THRAP3: variants seen among roughly 807,000 people sequenced by gnomAD.
THRAP3 encodes thyroid hormone receptor-associated protein 3.
Under a neutral mutation model 101.0 loss-of-function variants are expected in THRAP3, and 16 were observed. The ratio of observed to expected loss-of-function variants is 0.16; its 90% confidence interval spans 0.11 to 0.24. The LOEUF (loss-of-function observed/expected upper bound fraction) is 0.24, where lower values mean the gene tolerates loss of function less well. Among genes scored for constraint, THRAP3 ranks in the 10% least tolerant of loss-of-function variants. The pLI is 1.00. For synonymous variants in THRAP3, 407 were observed against 422.6 expected, an observed-to-expected ratio of 0.96 and a Z score of 0.45; for missense variants, 989 against 1,202.7, an observed-to-expected ratio of 0.82 and a Z score of 2.63.
At chr1:36,260,962 G>A (rs1410760782) in intron 2 of THRAP3, among the ~76,000 whole-genome samples, 1 of 151,266 alleles carries the variant, frequency 6.6e-6, no homozygotes, top group Non-Finnish European at 1.5e-5. Context: ...TTCCTTTTTT[G>A]TACAACTATT....
chr1:36,301,796 G>C (rs956951627), intron 11 of THRAP3, 100 bp downstream of exon 11: 1 of 1,453,634 alleles, frequency 6.9e-7, no homozygotes, highest in Non-Finnish European at 9.3e-7. Context: ...GCGATTAAAT[G>C]TACGTGCAGG....
rs970398332 is a variant in THRAP3 at position 36,236,254 on chromosome 1, TG to T, written c.-135+11752del. On this transcript the variant is annotated intron_variant, in intron 1 of 11. Transcript: ENST00000354618. ...AAAAAAAAAAACCTTCATGACAGAC[TG>T]GGCGCAAAAACCAAACCTTTATGTC... 1.7e-3 allele frequency among the ~76,000 whole-genome samples: 16 copies of T among 9,388 alleles called. No homozygotes were observed. The South Asian group carries it at 0.078, about 46-fold the overall frequency. 6.2% of individuals were successfully genotyped at this position (9,388 alleles called of 152,430 possible).
At chr1:36,272,707 A>G (rs1419844478) in intron 2 of THRAP3, among the ~76,000 whole-genome samples, 1 of 152,166 alleles carries the variant, frequency 6.6e-6, no homozygotes, top group Admixed American at 6.6e-5. Context: ...CTTGTTCACC[A>G]AGAATTTCCT....
rs145161482 is a variant in THRAP3 at position 36,243,498 on chromosome 1, G to A, written c.-134-15884G>A. ...GAGTGGATACAGCACATGTTTCAGA[G>A]AGCACAGGGTTGGGGGCAAGGTCAC... On this transcript the variant is annotated intron_variant, in intron 1 of 11. Coordinates refer to ENST00000354618, the MANE Select transcript of THRAP3 (RefSeq NM_005119.4). 8.2e-3 allele frequency among the ~76,000 whole-genome samples: 1,248 copies of A among 152,208 alleles called. 8 individuals carry two copies. The highest frequency in any genetic ancestry group is 0.011 in the Non-Finnish European group (770 of 67,992).
chr1:36,238,674 T>G (rs1309226946), intron 1 of THRAP3, among the ~76,000 whole-genome samples: 1 of 152,120 alleles, frequency 6.6e-6, no homozygotes, highest in Non-Finnish European at 1.5e-5. Flanking sequence ...TTTAGAAGAT[T>G]TAGTGTAATG....
intron 1 of THRAP3, among the ~76,000 whole-genome samples, chr1:36,236,224 GAAA>G (rs1160026977): frequency 3.7e-5 from 4 of 108,686 alleles, no homozygotes; most frequent in East Asian, 2.7e-4. Context: ...AGTCTCAAAA[GAAA>G]AAAAAAAAAA....
At chr1:36,239,463 C>T (rs1000132971) in intron 1 of THRAP3, among the ~76,000 whole-genome samples, 1 of 152,100 alleles carries the variant, frequency 6.6e-6, no homozygotes, top group Non-Finnish European at 1.5e-5. Flanking sequence ...GACGAGGTTT[C>T]ACCATGTTGC....
At chr1:36,260,389 C>T (rs953537830) in intron 2 of THRAP3, among the ~76,000 whole-genome samples, 4 of 152,158 alleles carry the variant, frequency 2.6e-5, no homozygotes, top group African/African-American at 7.2e-5. Flanking sequence ...TCATTTTCAA[C>T]TCTCCAGTTC....
At chr1:36,228,557 G>C (rs568296386) in intron 1 of THRAP3, among the ~76,000 whole-genome samples, 20 of 152,236 alleles carry the variant, frequency 1.3e-4, no homozygotes, top group African/African-American at 4.8e-4. Flanking sequence ...GTTTTGCCAT[G>C]TTGGCCAGGT....
At chr1:36,268,916 G>A (rs1313071739) in intron 2 of THRAP3, among the ~76,000 whole-genome samples, 3 of 152,274 alleles carry the variant, frequency 2.0e-5, no homozygotes, top group Non-Finnish European at 4.4e-5. Context: ...AGTAGAGATG[G>A]GGTTTCACCA....
chr1:36,295,218 T>C (rs2124629312), intron 8 of THRAP3, among the ~76,000 whole-genome samples: 1 of 108,472 alleles, frequency 9.2e-6, no homozygotes, highest in South Asian at 3.4e-4. Flanking sequence ...AGTGAAACTC[T>C]GTCTCAAAAA....
chr1:36,301,002 C>T lies in THRAP3; in HGVS notation c.2420C>T (p.Thr807Met), dbSNP rs557173988. Residue 807 changes from threonine (T) to methionine (M), a missense_variant, in exon 10 of 12, where the codon ACG (threonine) becomes ATG (methionine). Coordinates refer to ENST00000354618, the MANE Select transcript of THRAP3 (RefSeq NM_005119.4). ...EETEEREESTTGFDKSRLGTK... is the reference protein window; with the variant it reads ...EETEEREESTMGFDKSRLGTK... ...ACAGAGGAAAGAGAGGAGAGCACCA[C>T]GGGCTTTGACAAATCAAGACTGGGG... 1.7e-5 allele frequency: 28 copies of T among 1,614,170 alleles called. No homozygotes were observed. The highest frequency in any genetic ancestry group is 1.1e-4 in the African/African-American group (8 of 75,030).
chr1:36,270,723 A>G, intron 2 of THRAP3, among the ~76,000 whole-genome samples: 1 of 151,646 alleles, frequency 6.6e-6, no homozygotes, highest in East Asian at 1.9e-4. Flanking sequence ...GATTACAGGC[A>G]TGCCCCACCA....
rs376644503 is a variant in THRAP3, at chr1:36,291,412, G to A, written c.1784G>A (p.Arg595Gln). ...GLLAQERKLC[R>Q]DLVHSNKKEQ... ...TTGGCTCAGGAACGCAAGCTTTGCC[G>A]AGATCTAGTCCATAGCAACAAAAAG... The change falls in exon 6 of 12, where the codon CGA becomes CAA. Residue 595 changes from arginine (R) to glutamine (Q), a missense_variant. Arg to Gln is a conservative substitution (Grantham distance 43, BLOSUM62 1). Transcript: ENST00000354618. The A allele has an allele frequency of 1.4e-5, 22 of 1,613,962 alleles. No individual in the cohort carries two copies. In the Admixed American group the frequency reaches 2.5e-4, roughly 18 times the overall value.
chr1:36,300,856 T>C (rs766784188), intron 9 of THRAP3, 30 bp from the exon 10 acceptor site: 1 of 1,610,300 alleles, frequency 6.2e-7, no homozygotes, highest in South Asian at 1.1e-5. Flanking sequence ...AGAAAGATGA[T>C]TGATCACCCT....
intron 1 of THRAP3, among the ~76,000 whole-genome samples, chr1:36,244,638 C>T (rs941706351): frequency 6.6e-6 from 1 of 151,920 alleles, no homozygotes; most frequent in Non-Finnish European, 1.5e-5. Context: ...GATTTCACTC[C>T]TGTGAGTTCT....
intron 2 of THRAP3, among the ~76,000 whole-genome samples, chr1:36,271,046 C>T (rs975644640): frequency 9.2e-5 from 14 of 152,068 alleles, no homozygotes; most frequent in African/African-American, 2.9e-4. Flanking sequence ...CCTTTCTTCC[C>T]GTCTCATATC....
Position 36,282,443 on chromosome 1 carries a change from A to G in THRAP3, c.-31-90A>G, listed in dbSNP as rs575263139. 5.0e-6 allele frequency: 5 copies of G among 991,560 alleles called. No individual in the cohort carries two copies. In the South Asian group the frequency reaches 5.3e-5, roughly 11 times the overall value. 61.4% of individuals were successfully genotyped at this position (991,560 alleles called of 1,614,324 possible). A position where few individuals can be genotyped will look rare whatever the true frequency, so the allele number is the denominator to read the frequency against. The stretch of plus-strand genomic sequence containing the variant: ...TATGGGGTCTTCTCAAGTTGCCCAG[A>G]TTAAAAGAAATGTGTTTCTAAAATG... On this transcript the variant is annotated intron_variant, in intron 2 of 11. Transcript: ENST00000354618.
At chr1:36,276,139 G>A (rs1645656728) in intron 2 of THRAP3, among the ~76,000 whole-genome samples, 1 of 151,742 alleles carries the variant, frequency 6.6e-6, no homozygotes, top group African/African-American at 2.4e-5. Flanking sequence ...AAATCTTTGT[G>A]ACCTTGGGTT....
Sources: gnomAD v4.1 joint callset for allele counts (sites outside exome capture counted in the v4.1 genomes callset) on GRCh38, gnomAD v4.1.1 for gene constraint, MANE v1.5 for transcripts, NCBI Gene and HGNC (gene_info 2026-07-23, HGNC 2026-07-21) for gene names.